Variants in PPM1B observed in about 807,000 individuals in gnomAD.
PPM1B encodes protein phosphatase 1B.
Under a neutral mutation model 43.0 loss-of-function variants are expected in PPM1B, and 22 were observed. The ratio of observed to expected loss-of-function variants is 0.51; its 90% CI spans 0.37 to 0.73. The LOEUF is 0.73. Ranked by LOEUF, PPM1B falls within the 30% of genes least tolerant of loss-of-function variation. PPM1B has a pLI of 0.00. For missense variants in PPM1B, 632 were observed against 584.2 expected (o/e 1.08, Z -0.84); for synonymous variants, 217 against 197.9 (o/e 1.10, Z -0.81).
At chr2:44,214,285 T>G (rs1205846762) in intron 3 of PPM1B, among the ~76,000 whole-genome samples, 1 of 152,130 alleles carries the variant, frequency 6.6e-6, no homozygotes, top group Non-Finnish European at 1.5e-5. Flanking sequence ...TTCACTGTAT[T>G]AGCTCAATCT....
At chr2:44,227,804 G>A (rs778978514) in intron 5 of PPM1B, among the ~76,000 whole-genome samples, 1 of 151,798 alleles carries the variant, frequency 6.6e-6, no homozygotes, top group Non-Finnish European at 1.5e-5. Flanking sequence ...ACAGGCATGA[G>A]CTACTGTGCC....
intron 1 of PPM1B, among the ~76,000 whole-genome samples, chr2:44,189,600 A>T (rs979612465): frequency 6.6e-6 from 1 of 152,110 alleles, no homozygotes; most frequent in African/African-American, 2.4e-5. Flanking sequence ...AGTAGCTGGG[A>T]TTACAGGTGC....
At chr2:44,234,259 A>T (rs966220071), downstream of PPM1B, 5 of 960,864 alleles carry the variant, frequency 5.2e-6, no homozygotes, top group African/African-American at 8.8e-5. Context: ...ATTGGCTCAC[A>T]CCTGTAATCC....
chr2:44,182,616 A>C (rs575745582), intron 1 of PPM1B, among the ~76,000 whole-genome samples: 1 of 152,096 alleles, frequency 6.6e-6, no homozygotes, highest in South Asian at 2.1e-4. Context: ...TAAGTTTTCT[A>C]ATTGTGATTT....
At chr2:44,179,732 G>A (rs1318559685) in intron 1 of PPM1B, among the ~76,000 whole-genome samples, 1 of 152,080 alleles carries the variant, frequency 6.6e-6, no homozygotes, top group East Asian at 1.9e-4. Context: ...AACCTGGCCG[G>A]GCATGGTGGC....
chr2:44,218,423 C>T, intron 4 of PPM1B, 57 bp from the exon 5 acceptor site: 1 of 1,340,730 alleles, frequency 7.5e-7, no homozygotes, highest in Non-Finnish European at 1.0e-6. Context: ...TTGAGATATT[C>T]ACAAGCTTAA....
At chr2:44,186,614 A>T in intron 1 of PPM1B, among the ~76,000 whole-genome samples, 1 of 152,318 alleles carries the variant, frequency 6.6e-6, no homozygotes, top group Non-Finnish European at 1.5e-5. Flanking sequence ...GACTCAGGCA[A>T]TCCACCCGCC....
chr2:44,212,652 CCTT>C (rs1429368237), intron 3 of PPM1B, among the ~76,000 whole-genome samples: 1 of 152,084 alleles, frequency 6.6e-6, no homozygotes, highest in Non-Finnish European at 1.5e-5. Context: ...TCCATTCTTG[CCTT>C]CTTTTAGATG....
intron 3 of PPM1B, among the ~76,000 whole-genome samples, chr2:44,215,143 A>G (rs1193253246): frequency 6.6e-6 from 1 of 152,242 alleles, no homozygotes; most frequent in Non-Finnish European, 1.5e-5. Context: ...AGGAGACAAA[A>G]TTGTTAGCTA....
downstream of PPM1B, among the ~76,000 whole-genome samples, chr2:44,236,816 T>C (rs538590023): frequency 5.9e-5 from 9 of 152,348 alleles, no homozygotes; most frequent in Admixed American, 3.9e-4. Flanking sequence ...CACTGACATT[T>C]CCTCTTCCAA....
chr2:44,180,600 A>G (rs1667827643), intron 1 of PPM1B, among the ~76,000 whole-genome samples: 1 of 152,034 alleles, frequency 6.6e-6, no homozygotes, highest in African/African-American at 2.4e-5. Flanking sequence ...TTGAAGAAGG[A>G]TCTTTTTAAA....
chr2:44,223,524 T>C (rs1241190315), intron 5 of PPM1B, among the ~76,000 whole-genome samples: 2 of 151,904 alleles, frequency 1.3e-5, no homozygotes, highest in Non-Finnish European at 2.9e-5. Context: ...TGTTTGAAAA[T>C]GCAGGCCGGG....
intron 1 of PPM1B, among the ~76,000 whole-genome samples, chr2:44,169,543 G>A (rs1212355151): frequency 1.3e-5 from 2 of 152,350 alleles, no homozygotes; most frequent in East Asian, 1.9e-4. Flanking sequence ...TTGCTGGAAC[G>A]CCTGGAAGCT....
At chr2:44,236,752 ATAT>A (rs892686621), downstream of PPM1B, among the ~76,000 whole-genome samples, 3 of 152,178 alleles carry the variant, frequency 2.0e-5, no homozygotes, top group Non-Finnish European at 4.4e-5. Flanking sequence ...TGCTGACCAA[ATAT>A]TATTCTTCCT....
At chr2:44,173,511 A>G (rs1280016380) in intron 1 of PPM1B, among the ~76,000 whole-genome samples, 1 of 152,240 alleles carries the variant, frequency 6.6e-6, no homozygotes, top group East Asian at 1.9e-4. Flanking sequence ...TAACAACCAT[A>G]AACACTTTAC....
intron 1 of PPM1B, among the ~76,000 whole-genome samples, chr2:44,173,659 A>C (rs12464084): frequency 0.6 from 91,705 of 151,990 alleles, 27,889 homozygotes; most frequent in Admixed American, 0.68. Flanking sequence ...AATACTCTTC[A>C]TGGCCGGGCA....
chr2:44,175,273 G>A (rs749771712), intron 1 of PPM1B, among the ~76,000 whole-genome samples: 6 of 151,896 alleles, frequency 4.0e-5, no homozygotes, highest in Non-Finnish European at 8.8e-5. Context: ...AAGTGGGGGT[G>A]GGGGAACATA....
chr2:44,212,926 T>A (rs1669546151), intron 3 of PPM1B, among the ~76,000 whole-genome samples: 1 of 149,268 alleles, frequency 6.7e-6, no homozygotes, highest in African/African-American at 2.5e-5. Context: ...GGCAGGAGAA[T>A]GGTGTGAACC....
At chr2:44,186,708 A>C (rs949592571) in intron 1 of PPM1B, among the ~76,000 whole-genome samples, 6 of 152,224 alleles carry the variant, frequency 3.9e-5, no homozygotes, top group Admixed American at 3.9e-4. Context: ...ACAACTATTT[A>C]ATGATTTTTC....
Sources: gnomAD v4.1 joint callset for allele counts (sites outside exome capture counted in the v4.1 genomes callset) on GRCh38, gnomAD v4.1.1 for gene constraint, MANE v1.5 for transcripts, NCBI Gene and HGNC (gene_info 2026-07-23, HGNC 2026-07-21) for gene names.